The following NOX5 variants were observed in gnomAD, a reference collection of about 807,000 sequenced individuals.
NOX5 encodes the protein NADPH oxidase 5, also known as NADPH oxidase, EF-hand calcium binding domain 5.
NOX5 carries 76 observed loss-of-function variants against 85.7 expected under a neutral mutation model. The observed-to-expected ratio is 0.89, with a 90% CI of 0.74 to 1.07. The LOEUF (loss-of-function observed/expected upper bound fraction) is 1.07, where lower values mean the gene tolerates loss of function less well. Ranked by LOEUF, NOX5 falls within the 50% of genes least tolerant of loss-of-function variation. NOX5 has a pLI of 0.00. For missense variants in NOX5, 973 were observed against 999.5 expected, an observed-to-expected ratio of 0.97 and a Z score of 0.36; for synonymous variants, 405 against 401.4, an observed-to-expected ratio of 1.01 and a Z score of -0.11.
At chr15:69,041,602 T>G (rs1174446820) in intron 9 of NOX5, among the ~76,000 whole-genome samples, 1 of 152,242 alleles carries the variant, frequency 6.6e-6, no homozygotes, top group Non-Finnish European at 1.5e-5. Context: ...CTACTACTTC[T>G]GATTCCCAGG....
chr15:69,036,615 A>T (rs939200670), intron 7 of NOX5, among the ~76,000 whole-genome samples: 1 of 152,202 alleles, frequency 6.6e-6, no homozygotes, highest in African/African-American at 2.4e-5. Context: ...AAAAGTAATG[A>T]AATTGCCCAA....
intron 8 of NOX5, 50 bp downstream of exon 8, chr15:69,037,260 C>CA (rs756910417): frequency 7.7e-5 from 119 of 1,547,976 alleles, no homozygotes; most frequent in Admixed American, 2.1e-4. Context: ...CCCCAAGGGA[C>CA]AGTTTGTGGG....
In NOX5 at chr15:69,060,036, T is replaced by C. The variant is rs2050857949; in HGVS notation, c.*3340T>C. ...CTTACAAAGAGTCTTTTGCACCTAA[T>C]TGTCACTTGTAATTTGGGGAACAAA... On this transcript the variant is annotated 3_prime_UTR_variant, in exon 16 of 16. Transcript: ENST00000388866. The C allele has an allele frequency of 6.6e-6, 1 of 152,264 alleles. No homozygotes were observed. The highest frequency in any genetic ancestry group is 3.2e-3 in the Middle Eastern group (1 of 316). The allele number at this position is 152,264 out of a possible 1,614,324, so 9.4% of individuals were successfully genotyped here.
At chr15:69,023,457 TA>T in intron 1 of NOX5, 12 of 435,286 alleles carry the variant, frequency 2.8e-5, no homozygotes, top group Non-Finnish European at 3.2e-5. Context: ...TACTTTGGGC[TA>T]AAAAATGATT....
intron 11 of NOX5, chr15:69,047,099 G>T: frequency 1.7e-6 from 1 of 592,052 alleles, no homozygotes; most frequent in South Asian, 2.2e-5. Context: ...GCAGGGATGG[G>T]TGTACAGTGT....
rs757710211 is a variant in NOX5 at position 69,026,702 on chromosome 15, G to T, written c.174+51G>T. 3 of 1,611,602 alleles carry T rather than the reference G, an allele frequency of 1.9e-6. No individual in the cohort carries two copies. In the South Asian group the frequency reaches 3.3e-5, roughly 18 times the overall value. On this transcript the variant is annotated intron_variant, in intron 2 of 15. Coordinates refer to ENST00000388866, the MANE Select transcript of NOX5 (RefSeq NM_024505.4). ...CCTGCATTTATCGTTATGTGGCCTG[G>T]TTCTCAGGGCATAGCCCTTACAGGG...
At chr15:69,045,536 T>TCTTTC (rs1555437202) in intron 10 of NOX5, among the ~76,000 whole-genome samples, 2 of 94,470 alleles carry the variant, frequency 2.1e-5, no homozygotes, top group Non-Finnish European at 3.8e-5. Flanking sequence ...TTCCTTTCTT[T>TCTTTC]TTTCTTTCTT....
intron 1 of NOX5, among the ~76,000 whole-genome samples, chr15:69,018,906 A>G (rs1010605788): frequency 3.5e-4 from 53 of 152,140 alleles, no homozygotes; most frequent in Admixed American, 2.2e-3. Flanking sequence ...TCTGTTGCCC[A>G]GGCTGGAGTG....
rs2140265251 is a variant in NOX5 at position 69,037,108 on chromosome 15, G to T, written c.1269G>T (p.Leu423=). 1 of 1,614,116 alleles carries T rather than the reference G, an allele frequency of 6.2e-7. No homozygotes were observed. Among genetic ancestry groups the T allele is most frequent in the Non-Finnish European group, 8.5e-7 (1 of 1,180,022 alleles). Residue 423 remains leucine, a synonymous_variant, in exon 8 of 16, where the codon CTG becomes CTT. Coordinates refer to ENST00000388866, the MANE Select transcript of NOX5 (RefSeq NM_024505.4). ...IFHGPNFWKW[L]LVPGILFFLE... ...ATGGGCCCAACTTCTGGAAGTGGCT[G>T]CTGGTGCCTGGAATCTTGTTTTTCC...
chr15:69,016,185 G>A (rs2050230274), intron 1 of NOX5, among the ~76,000 whole-genome samples: 1 of 152,174 alleles, frequency 6.6e-6, no homozygotes, highest in Non-Finnish European at 1.5e-5. Context: ...GCACACTGGA[G>A]GGCCTGGAGC....
At chr15:69,047,248 A>T (rs538721482) in intron 11 of NOX5, 165 bp from the exon 12 acceptor site, 1 of 800,652 alleles carries the variant, frequency 1.2e-6, no homozygotes, top group African/African-American at 1.7e-5. Context: ...AGAGCACAGG[A>T]TGTGGAAAGA....
At chr15:69,038,719 A>G in intron 8 of NOX5, 138 bp from the exon 9 acceptor site, 1 of 1,208,656 alleles carries the variant, frequency 8.3e-7, no homozygotes, top group East Asian at 2.4e-5. Context: ...ACCACTCAGA[A>G]GCACAGAAGA....
chr15:69,023,481 C>T lies in NOX5; in HGVS notation c.51-3047C>T, dbSNP rs1289906464. 5 of 404,516 alleles carry T rather than the reference C, an allele frequency of 1.2e-5. No individual in the cohort carries two copies. In the East Asian group the frequency reaches 2.3e-4, roughly 19 times the overall value. 25.1% of individuals were successfully genotyped at this position (404,516 alleles called of 1,614,324 possible). ...CTAAAAAATGATTCTACTGAAATCCCGAATAGAGCCAGGGTTGTCTTCTTG... is the reference window on the plus strand; with the variant it reads ...CTAAAAAATGATTCTACTGAAATCCTGAATAGAGCCAGGGTTGTCTTCTTG... On this transcript the variant is annotated intron_variant, in intron 1 of 15. Transcript: ENST00000388866.
intron 14 of NOX5, 134 bp downstream of exon 14, chr15:69,049,192 C>CTTTTTTTTT (rs34467340): frequency 3.5e-6 from 1 of 283,282 alleles, no homozygotes; most frequent in South Asian, 5.8e-5. Context: ...AACCCAGAGT[C>CTTTTTTTTT]TTTTTTTTTT....
intron 1 of NOX5, among the ~76,000 whole-genome samples, chr15:69,018,717 G>A (rs1209183263): frequency 2.0e-5 from 3 of 152,140 alleles, no homozygotes; most frequent in Non-Finnish European, 2.9e-5. Context: ...AATTTGCTGG[G>A]GGATAAGAGG....
intron 14 of NOX5, among the ~76,000 whole-genome samples, chr15:69,049,862 G>T (rs539393705): frequency 6.6e-6 from 1 of 152,104 alleles, no homozygotes. Flanking sequence ...CAATTTAAGC[G>T]TACAATAAAT....
In NOX5 at chr15:69,058,356, G is replaced by C. The variant is rs2050838631; in HGVS notation, c.*1660G>C. The C allele has an allele frequency of 6.6e-6, 1 of 152,586 alleles. No individual in the cohort carries two copies. The allele number at this position is 152,586 out of a possible 1,614,324, so 9.5% of individuals were successfully genotyped here. The stretch of plus-strand genomic sequence containing the variant: ...GGTGGATGGAAGAATGAAGGTGGGG[G>C]AAAGCTCTCTTCTGAAAGGGGCAAT... On this transcript the variant is annotated 3_prime_UTR_variant, in exon 16 of 16. Coordinates refer to ENST00000388866, the MANE Select transcript of NOX5 (RefSeq NM_024505.4).
chr15:69,046,697 G>A, intron 10 of NOX5, 125 bp from the exon 11 acceptor site: 1 of 836,104 alleles, frequency 1.2e-6, no homozygotes, highest in South Asian at 2.0e-5. Context: ...TCCCTGAATG[G>A]TTTGGGCAGA....
chr15:69,049,538 G>A (rs548278436), intron 14 of NOX5, among the ~76,000 whole-genome samples: 2 of 152,120 alleles, frequency 1.3e-5, no homozygotes, highest in African/African-American at 4.8e-5. Flanking sequence ...ATCTCATCCA[G>A]CTATCCAGGC....
Sources: gnomAD v4.1 joint callset for allele counts (sites outside exome capture counted in the v4.1 genomes callset) on GRCh38, gnomAD v4.1.1 for gene constraint, MANE v1.5 for transcripts, NCBI Gene and HGNC (gene_info 2026-07-23, HGNC 2026-07-21) for gene names.